AJAP1: variants seen among roughly 807,000 people sequenced by gnomAD.
The protein encoded by AJAP1 is adherens junction-associated protein 1.
In AJAP1, 5 loss-of-function variants were observed where a neutral mutation model predicts 35.0. The observed-to-expected ratio is 0.14, with a 90% CI of 0.07 to 0.30. The LOEUF is 0.30. AJAP1 is among the 10% of genes least tolerant of loss of function. The pLI is 1.00. For synonymous variants in AJAP1, 284 were observed against 249.3 expected, an observed-to-expected ratio of 1.14 and a Z score of -1.31; for missense variants, 586 against 571.0, an observed-to-expected ratio of 1.03 and a Z score of -0.27.
At chr1:4,740,288 A>G (rs2100314049) in intron 2 of AJAP1, among the ~76,000 whole-genome samples, 1 of 64,742 alleles carries the variant, frequency 1.5e-5, no homozygotes, top group South Asian at 7.0e-4. Flanking sequence ...GTCAGATTCT[A>G]CTCATATGAG....
At chr1:4,726,567 C>T (rs1640664499) in intron 2 of AJAP1, among the ~76,000 whole-genome samples, 1 of 152,048 alleles carries the variant, frequency 6.6e-6, no homozygotes, top group Admixed American at 6.5e-5. Context: ...AGGTTCTGAA[C>T]ACCCAGAGAA....
At position 4,712,398 on chromosome 1, in the gene AJAP1, A is replaced by G. The variant is rs769054670; in HGVS notation, c.528A>G (p.Thr176=). 6.3e-7 allele frequency: 1 copy of G among 1,579,358 alleles called. No homozygotes were observed. The highest frequency in any genetic ancestry group is 8.6e-7 in the Non-Finnish European group (1 of 1,161,962). ...SFDSRGSRPT[T]ETEFIAWGPT... is the part of the protein sequence containing the mutation. ...ACTCCAGAGGCAGCCGGCCCACCACAGAGACTGAGTTCATCGCCTGGGGGC... is the reference window on the plus strand; with the variant it reads ...ACTCCAGAGGCAGCCGGCCCACCACGGAGACTGAGTTCATCGCCTGGGGGC... Residue 176 remains threonine, a synonymous_variant, in exon 2 of 6, where the codon ACA becomes ACG. Transcript: ENST00000378191.
At chr1:4,666,059 C>A (rs988184536) in intron 1 of AJAP1, among the ~76,000 whole-genome samples, 5 of 152,040 alleles carry the variant, frequency 3.3e-5, no homozygotes, top group Non-Finnish European at 7.4e-5. Flanking sequence ...TGTGGAGGCA[C>A]CCCGCAGTGA....
intron 2 of AJAP1, among the ~76,000 whole-genome samples, chr1:4,744,812 A>G (rs72859643): frequency 0.022 from 3,341 of 152,232 alleles, 119 homozygotes; most frequent in African/African-American, 0.075. Flanking sequence ...ATAAAGACAA[A>G]TACCAGGCCA....
At position 4,700,044 on chromosome 1, in the gene AJAP1, T is replaced by G. The variant is rs558002452; in HGVS notation, c.30-11856T>G. Among the ~76,000 whole-genome samples, 4 of 152,328 alleles carry G rather than the reference T, an allele frequency of 2.6e-5. No individual in the cohort carries two copies. The South Asian group carries it at 8.3e-4, about 32-fold the overall frequency. On this transcript the variant is annotated intron_variant, in intron 1 of 5. Transcript: ENST00000378191. ...GATGGTGCTTGTGTCTTTGCACGAT[T>G]GCGTAGAGCTCTCCCCTGAGCGTCT...
At chr1:4,755,345 A>G (rs1301359131) in intron 2 of AJAP1, among the ~76,000 whole-genome samples, 4 of 151,340 alleles carry the variant, frequency 2.6e-5, no homozygotes, top group Admixed American at 1.3e-4. Context: ...CACCACCCCC[A>G]CACTTAAGAT....
In AJAP1 at chr1:4,655,578, G is replaced by C; in HGVS notation, c.29+124G>C. The C allele has an allele frequency of 3.2e-6, 4 of 1,248,490 alleles. No homozygotes were observed. The highest frequency in any genetic ancestry group is 4.3e-6 in the Non-Finnish European group (4 of 924,906). 77.3% of individuals were successfully genotyped at this position (1,248,490 alleles called of 1,614,324 possible). A position where few individuals can be genotyped will look rare whatever the true frequency, so the allele number is the denominator to read the frequency against. On this transcript the variant is annotated intron_variant, in intron 1 of 5. Transcript: ENST00000378191. This position sits in a 1 kb window ranked among gnomAD's most constrained non-coding sequence, Gnocchi z 6.9. Reference sequence around the variant, plus strand: ...TTCGCTTCCCGCAAGCGGGCAACGGGGTGCACCGGTAGCCGGAAAGGGGCG... The same window carrying C: ...TTCGCTTCCCGCAAGCGGGCAACGGCGTGCACCGGTAGCCGGAAAGGGGCG...
At chr1:4,697,664 C>T (rs974585695) in intron 1 of AJAP1, among the ~76,000 whole-genome samples, 1 of 152,232 alleles carries the variant, frequency 6.6e-6, no homozygotes, top group Non-Finnish European at 1.5e-5. Flanking sequence ...AGGTGCGCCA[C>T]CATCTCCAAA....
chr1:4,759,322 G>A (rs1009383288), intron 2 of AJAP1, among the ~76,000 whole-genome samples: 2 of 152,210 alleles, frequency 1.3e-5, no homozygotes, highest in Admixed American at 6.5e-5. Flanking sequence ...ATGTCTTATA[G>A]TCTGTTTAAT....
chr1:4,712,841 C>T, intron 2 of AJAP1, 142 bp downstream of exon 2: 1 of 847,826 alleles, frequency 1.2e-6, no homozygotes, highest in Non-Finnish European at 1.7e-6. Flanking sequence ...CATGAGCTTG[C>T]ACATGCCTGT....
Position 4,772,330 on chromosome 1 carries a change from A to G in AJAP1, c.968A>G (p.Asn323Ser). The stretch of plus-strand genomic sequence containing the variant: ...CGGAACAGCCACCAGCGGAAGACCA[A>G]CCAGCAGGAGGAGAGCTGCCAGAAC... ...TRRNSHQRKT[N>S]QQEESCQNLT... Residue 323 changes from asparagine to serine, a missense_variant, in exon 4 of 6, where the codon AAC (asparagine) becomes AGC (serine). Physicochemically the swap from Asn to Ser is conservative, Grantham distance 46 (BLOSUM62 1). Transcript: ENST00000378191. 1.9e-6 allele frequency: 3 copies of G among 1,614,164 alleles called. No individual in the cohort carries two copies. The highest frequency in any genetic ancestry group is 2.5e-6 in the Non-Finnish European group (3 of 1,180,016).
Position 4,751,493 on chromosome 1 carries a change from C to T in AJAP1, c.830-18360C>T, listed in dbSNP as rs576396218. The stretch of plus-strand genomic sequence containing the variant: ...CCAAGTCAGATGCCATCTTCACTCA[C>T]TCGTTCAATCAGTCATTCATTTGCC... On this transcript the variant is annotated intron_variant, in intron 2 of 5. Coordinates refer to ENST00000378191, the MANE Select transcript of AJAP1 (RefSeq NM_018836.4). Among the ~76,000 whole-genome samples the T allele has an allele frequency of 7.7e-4, 118 of 152,328 alleles. 1 individual carries two copies. Among genetic ancestry groups the T allele is most frequent in the Middle Eastern group, 3.4e-3 (1 of 294 alleles).
intron 2 of AJAP1, among the ~76,000 whole-genome samples, chr1:4,746,114 C>G (rs1641181183): frequency 6.6e-6 from 1 of 152,194 alleles, no homozygotes; most frequent in Non-Finnish European, 1.5e-5. Context: ...GGACCATGCT[C>G]CCTCTGGAGG....
At chr1:4,771,855 G>C (rs140576814) in intron 3 of AJAP1, among the ~76,000 whole-genome samples, 1 of 152,028 alleles carries the variant, frequency 6.6e-6, no homozygotes, top group African/African-American at 2.4e-5. Context: ...ATGAAGGAAC[G>C]GACCACCCCA....
chr1:4,709,270 C>T (rs1448049948), intron 1 of AJAP1, among the ~76,000 whole-genome samples: 4 of 137,152 alleles, frequency 2.9e-5, no homozygotes, highest in East Asian at 2.2e-4. Context: ...TGATGGGGGC[C>T]GGTGGGGCCT....
At chr1:4,751,857 G>A (rs1203721922) in intron 2 of AJAP1, among the ~76,000 whole-genome samples, 2 of 152,180 alleles carry the variant, frequency 1.3e-5, no homozygotes, top group Non-Finnish European at 2.9e-5. Context: ...CAACACAAAG[G>A]CAGGGCCGGA....
At chr1:4,749,423 C>T (rs374005484) in intron 2 of AJAP1, among the ~76,000 whole-genome samples, 20 of 152,208 alleles carry the variant, frequency 1.3e-4, no homozygotes, top group African/African-American at 2.4e-4. Context: ...CTGTAAAAAG[C>T]GAGACACGAG....
At position 4,774,430 on chromosome 1, in the gene AJAP1, C is replaced by T. The variant is rs1307982312; in HGVS notation, c.1167C>T (p.Pro389=). ...CCCATTTTTCTGTTCACCGCAGACC[C>T]TCCTCTTCTGATCGGCATCTTATTC... The part of the protein sequence containing the change: ...EYKSTFNGNR[P]SSSDRHLIPV... Residue 389 remains proline, a synonymous_variant, in exon 5 of 6, where the codon CCC becomes CCT. Coordinates refer to ENST00000378191, the MANE Select transcript of AJAP1 (RefSeq NM_018836.4). The T allele has an allele frequency of 6.2e-7, 1 of 1,614,210 alleles. No individual in the cohort carries two copies. Among genetic ancestry groups the T allele is most frequent in the Non-Finnish European group, 8.5e-7 (1 of 1,180,024 alleles).
chr1:4,711,605 G>A (rs989309), intron 1 of AJAP1, among the ~76,000 whole-genome samples: 3 of 152,078 alleles, frequency 2.0e-5, no homozygotes, highest in East Asian at 1.9e-4. Context: ...GTTTTCGCTC[G>A]CGTGAAATGG....
Sources: allele counts gnomAD v4.1 joint callset (sites outside exome capture counted in the v4.1 genomes callset), GRCh38; gene constraint gnomAD v4.1.1; non-coding constraint Gnocchi (gnomAD v3.1); transcripts MANE v1.5; gene names NCBI Gene and HGNC (gene_info 2026-07-23, HGNC 2026-07-21).